RSRC1: variants seen among roughly 807,000 people sequenced by gnomAD.
RSRC1 encodes arginine and serine rich coiled-coil 1, also known as serine/Arginine-related protein 53.
A neutral mutation model predicts 49.1 loss-of-function variants in RSRC1; 39 were observed. That is an observed-to-expected ratio of 0.79 (90% CI 0.61 to 1.04). The LOEUF is 1.04. Ranked by LOEUF, RSRC1 falls within the 50% of genes least tolerant of loss-of-function variation. The pLI is 0.00. For synonymous variants in RSRC1, 143 were observed against 130.8 expected (o/e 1.09, Z -0.63); for missense variants, 388 against 402.4 (o/e 0.96, Z 0.31).
At chr3:158,442,363 T>C (rs1455180527) in intron 6 of RSRC1, among the ~76,000 whole-genome samples, 2 of 152,190 alleles carry the variant, frequency 1.3e-5, no homozygotes, top group African/African-American at 4.8e-5. Flanking sequence ...ACTAAGTTTT[T>C]GTATAATACT....
chr3:158,474,596 A>G (rs1738286795), intron 7 of RSRC1, among the ~76,000 whole-genome samples: 1 of 152,154 alleles, frequency 6.6e-6, no homozygotes, highest in South Asian at 2.1e-4. Context: ...GTTGGATAGC[A>G]TTTTATTTAT....
At position 158,509,291 on chromosome 3, in the gene RSRC1, C is replaced by G. The variant is rs150403597; in HGVS notation, c.653-27801C>G. Among the ~76,000 whole-genome samples, 40 of 152,236 alleles carry G rather than the reference C, an allele frequency of 2.6e-4. No individual in the cohort carries two copies. In the East Asian group the frequency reaches 4.2e-3, roughly 16 times the overall value. ...GTTTTTATTAAGTATGACATACATTCAAAAGCCTCTTTAGAAGATATGTAA... is the reference window on the plus strand; with the variant it reads ...GTTTTTATTAAGTATGACATACATTGAAAAGCCTCTTTAGAAGATATGTAA... On this transcript the variant is annotated intron_variant, in intron 7 of 9. Coordinates refer to ENST00000611884, the MANE Select transcript of RSRC1 (RefSeq NM_001271838.2).
intron 5 of RSRC1, among the ~76,000 whole-genome samples, chr3:158,323,325 G>C (rs1728868045): frequency 6.6e-6 from 1 of 152,060 alleles, no homozygotes; most frequent in Non-Finnish European, 1.5e-5. Flanking sequence ...TAGTTTAATG[G>C]TTAGTAAATG....
At chr3:158,287,791 T>C (rs1332866450) in intron 4 of RSRC1, among the ~76,000 whole-genome samples, 1 of 152,206 alleles carries the variant, frequency 6.6e-6, no homozygotes, top group African/African-American at 2.4e-5. Flanking sequence ...CAAGGACATA[T>C]TGAAGCTATT....
rs1734823331 is a variant in RSRC1, at chr3:158,417,744, GTTC to G, written c.584-43188_584-43186del. Reference sequence around the variant, plus strand: ...AATTTTTATACAGATTTATTAATCAGTTCTTATTTATTAATATATATCCTATAT... The same window carrying G: ...AATTTTTATACAGATTTATTAATCAGTTATTTATTAATATATATCCTATAT... On this transcript the variant is annotated intron_variant, in intron 6 of 9. Coordinates refer to ENST00000611884, the MANE Select transcript of RSRC1 (RefSeq NM_001271838.2). Among the ~76,000 whole-genome samples the G allele has an allele frequency of 2.0e-5, 3 of 150,558 alleles. No homozygotes were observed. The South Asian group carries it at 6.3e-4, about 31-fold the overall frequency.
intron 4 of RSRC1, among the ~76,000 whole-genome samples, chr3:158,266,170 C>G (rs1399266350): frequency 6.6e-6 from 1 of 152,126 alleles, no homozygotes; most frequent in African/African-American, 2.4e-5. Flanking sequence ...TGGAAAAACA[C>G]AGAATCTTAT....
intron 6 of RSRC1, among the ~76,000 whole-genome samples, chr3:158,417,803 T>G (rs541307014): frequency 1.1e-4 from 17 of 151,100 alleles, no homozygotes; most frequent in Admixed American, 9.9e-4. Flanking sequence ...ATTTGAAGGA[T>G]TCTATAGCAA....
At chr3:158,436,561 C>T (rs1736054088) in intron 6 of RSRC1, among the ~76,000 whole-genome samples, 1 of 151,834 alleles carries the variant, frequency 6.6e-6, no homozygotes, top group African/African-American at 2.4e-5. Context: ...GGAGAAACCA[C>T]TTTACATATA....
chr3:158,290,598 A>G (rs968604215), intron 4 of RSRC1, among the ~76,000 whole-genome samples: 1 of 152,158 alleles, frequency 6.6e-6, no homozygotes, highest in African/African-American at 2.4e-5. Flanking sequence ...TCTTAAATTT[A>G]TATTTTGCCA....
chr3:158,345,407 A>G (rs1229970776), intron 5 of RSRC1, among the ~76,000 whole-genome samples: 1 of 152,204 alleles, frequency 6.6e-6, no homozygotes, highest in East Asian at 1.9e-4. Context: ...CACTTTAAGT[A>G]TATAAAGACA....
At chr3:158,118,370 A>G (rs1382720391) in intron 1 of RSRC1, among the ~76,000 whole-genome samples, 1 of 144,960 alleles carries the variant, frequency 6.9e-6, no homozygotes, top group African/African-American at 2.6e-5. Flanking sequence ...AATAGCTAGT[A>G]CTAGAGGCAT....
intron 4 of RSRC1, among the ~76,000 whole-genome samples, chr3:158,255,435 GGTACCAGTA>G (rs1724486659): frequency 6.6e-6 from 1 of 152,030 alleles, no homozygotes; most frequent in African/African-American, 2.4e-5. Context: ...TCTCTGTTTT[GGTACCAGTA>G]CCATGCTGTT....
At position 158,203,187 on chromosome 3, in the gene RSRC1, A is replaced by G; in HGVS notation, c.436A>G (p.Lys146Glu). 6.2e-7 allele frequency: 1 copy of G among 1,612,586 alleles called. No homozygotes were observed. The highest frequency in any genetic ancestry group is 8.5e-7 in the Non-Finnish European group (1 of 1,179,312). The part of the protein sequence containing the change: ...RERRKGRDKE[K>E]REKEKDKGKD... ...ACGACGTAAGGGCAGAGATAAAGAG[A>G]AAAGAGAAAAGGAGAAGGATAAAGG... The change falls in exon 4 of 10, where the codon AAA becomes GAA. Residue 146 changes from lysine (K) to glutamate (E), a missense_variant. Transcript: ENST00000611884.
rs146866621 is a variant in RSRC1 at position 158,535,632 on chromosome 3, A to G, written c.653-1460A>G. On this transcript the variant is annotated intron_variant, in intron 7 of 9. Coordinates refer to ENST00000611884, the MANE Select transcript of RSRC1 (RefSeq NM_001271838.2). ...AGGTCTGGGACAGAAACTGTTCAAG[A>G]TGATCCTACAACTATTATTAAGCCA... Among the ~76,000 whole-genome samples, 176 of 151,494 alleles carry G rather than the reference A, an allele frequency of 1.2e-3. 1 individual carries two copies. The highest frequency in any genetic ancestry group is 4.2e-3 in the African/African-American group (173 of 41,494).
At chr3:158,153,426 C>T (rs139263373) in intron 3 of RSRC1, among the ~76,000 whole-genome samples, 1 of 152,304 alleles carries the variant, frequency 6.6e-6, no homozygotes, top group African/African-American at 2.4e-5. Context: ...GGAAACTCCA[C>T]AGTCTCTTGC....
At chr3:158,370,443 C>G (rs944696777) in intron 6 of RSRC1, among the ~76,000 whole-genome samples, 1 of 151,924 alleles carries the variant, frequency 6.6e-6, no homozygotes. Flanking sequence ...CCTTAGCAAC[C>G]ACTAATCTGC....
chr3:158,420,414 C>G (rs1009063903), intron 6 of RSRC1, among the ~76,000 whole-genome samples: 2 of 151,880 alleles, frequency 1.3e-5, no homozygotes, highest in Non-Finnish European at 2.9e-5. Context: ...GTTTGGTAGC[C>G]TAAGGAACTA....
intron 3 of RSRC1, among the ~76,000 whole-genome samples, chr3:158,140,140 T>G (rs1392936442): frequency 3.3e-5 from 5 of 152,226 alleles, no homozygotes; most frequent in African/African-American, 9.6e-5. Context: ...TTTGGGGTTT[T>G]CACTGGTTCT....
chr3:158,490,363 C>T (rs1264910823), intron 7 of RSRC1, among the ~76,000 whole-genome samples: 3 of 152,178 alleles, frequency 2.0e-5, no homozygotes, highest in Non-Finnish European at 2.9e-5. Context: ...GGATTACAGG[C>T]GTGAGCCACC....
Sources: allele counts gnomAD v4.1 joint callset (sites outside exome capture counted in the v4.1 genomes callset), GRCh38; gene constraint gnomAD v4.1.1; transcripts MANE v1.5; gene names NCBI Gene and HGNC (gene_info 2026-07-23, HGNC 2026-07-21).